Variants in GOT2 observed in about 807,000 individuals in gnomAD.
GOT2 encodes the protein aspartate aminotransferase, mitochondrial.
In GOT2, 17 loss-of-function variants were observed where a neutral mutation model predicts 50.0. The observed-to-expected ratio is 0.34, with a 90% confidence interval of 0.23 to 0.51. GOT2 has a LOEUF of 0.51. GOT2 is among the 20% of genes least tolerant of loss of function. GOT2 has a pLI of 0.97. For synonymous variants in GOT2, 172 were observed against 204.9 expected (o/e 0.84, Z 1.37); for missense variants, 430 against 559.6 (o/e 0.77, Z 2.34).
intron 9 of GOT2, 64 bp downstream of exon 9, chr16:58,709,353 G>C: frequency 8.0e-7 from 1 of 1,256,574 alleles, no homozygotes; most frequent in Non-Finnish European, 1.1e-6. Flanking sequence ...AGAAAAAAAA[G>C]TAATCCTTCG....
Position 58,709,484 on chromosome 16 carries a change from G to C in GOT2, c.1103C>G (p.Thr368Ser), listed in dbSNP as rs2044629033. 2.5e-6 allele frequency: 4 copies of C among 1,614,018 alleles called. No individual in the cohort carries two copies. The highest frequency in any genetic ancestry group is 3.4e-6 in the Non-Finnish European group (4 of 1,179,870). The change falls in exon 9 of 10, where the codon ACC becomes AGC. Residue 368 changes from threonine (T) to serine (S), a missense_variant. Thr to Ser is a moderately conservative substitution (Grantham distance 58, BLOSUM62 1). Coordinates refer to ENST00000245206, the MANE Select transcript of GOT2 (RefSeq NM_002080.4). ...GTCGGTGATGTGTTGCCAATTGTGG[G>C]TGGAACCCTCCTTCTTGAGGTTGGA... Reference protein sequence around the residue: ...LVSNLKKEGSTHNWQHITDQI... With the variant: ...LVSNLKKEGSSHNWQHITDQI...
chr16:58,720,578 A>ATT (rs567374817), intron 3 of GOT2, among the ~76,000 whole-genome samples: 11,457 of 140,942 alleles, frequency 0.081, 944 homozygotes, highest in East Asian at 0.29. Context: ...AGGCACAACA[A>ATT]TTTTTTTTTT....
At chr16:58,709,373 A>G in intron 9 of GOT2, 44 bp downstream of exon 9, 1 of 1,508,398 alleles carries the variant, frequency 6.6e-7, no homozygotes, top group Non-Finnish European at 9.1e-7. Flanking sequence ...GGGTTTGCAA[A>G]GACTGATCAG....
In GOT2 at chr16:58,716,774, C is replaced by T; in HGVS notation, c.742G>A (p.Gly248Ser). ...LFAFFDMAYQ[G>S]FASGDGDKDA... ...TTATCACCATCACCACTGGCAAAGC[C>T]TTGGTAGGCCATGTCAAAGAACGCA... is the stretch of plus-strand genomic sequence containing the variant. The change falls in exon 7 of 10, where the codon GGC (glycine) becomes AGC (serine). Residue 248 changes from glycine to serine, a missense_variant. Coordinates refer to ENST00000245206, the MANE Select transcript of GOT2 (RefSeq NM_002080.4). The T allele has an allele frequency of 6.2e-7, 1 of 1,613,922 alleles. No homozygotes were observed. The highest frequency in any genetic ancestry group is 8.5e-7 in the Non-Finnish European group (1 of 1,179,764).
chr16:58,723,908 A>G lies in GOT2; in HGVS notation c.90-6T>C. 1 of 1,612,116 alleles carries G rather than the reference A, an allele frequency of 6.2e-7. No homozygotes were observed. The highest frequency in any genetic ancestry group is 1.1e-5 in the South Asian group (1 of 90,966). The stretch of plus-strand genomic sequence containing the variant: ...CCACATGGGTCCACCAGGAGCTGAA[A>G]TGAGAAACACATTAGCTCAATCCCA... On this transcript the variant is annotated splice_region_variant and splice_polypyrimidine_tract_variant and intron_variant, in intron 1 of 9. Transcript: ENST00000245206.
At chr16:58,734,012 A>AGT (rs3217426) in intron 1 of GOT2, 128 bp downstream of exon 1, 5 of 433,056 alleles carry the variant, frequency 1.2e-5, no homozygotes, top group East Asian at 3.6e-5. Context: ...GTGGCAGAAA[A>AGT]GTGTGTGTGT....
At chr16:58,711,570 T>G (rs529956515) in intron 8 of GOT2, among the ~76,000 whole-genome samples, 3 of 152,234 alleles carry the variant, frequency 2.0e-5, no homozygotes, top group Non-Finnish European at 2.9e-5. Context: ...TGGGACCTAG[T>G]AATGTTTTAC....
At chr16:58,716,365 A>G (rs1291997454) in intron 7 of GOT2, 186 bp from the exon 8 acceptor site, 2 of 620,256 alleles carry the variant, frequency 3.2e-6, no homozygotes, top group African/African-American at 3.7e-5. Flanking sequence ...GAGTACTCAG[A>G]GTATTCAAAG....
chr16:58,712,443 G>A (rs536450098), intron 8 of GOT2, among the ~76,000 whole-genome samples: 5 of 152,110 alleles, frequency 3.3e-5, no homozygotes, highest in East Asian at 1.9e-4. Flanking sequence ...CCCAGGAGGC[G>A]GAGGTTGCAG....
intron 1 of GOT2, among the ~76,000 whole-genome samples, chr16:58,726,313 G>A (rs1392688283): frequency 2.6e-5 from 4 of 151,892 alleles, no homozygotes; most frequent in Non-Finnish European, 4.4e-5. Context: ...AGCCTCCCAA[G>A]TAGCTGGGAT....
At chr16:58,710,400 T>C (rs1238885342) in intron 8 of GOT2, among the ~76,000 whole-genome samples, 3 of 150,660 alleles carry the variant, frequency 2.0e-5, no homozygotes, top group Non-Finnish European at 3.0e-5. Context: ...TCTTTTCTTT[T>C]TTTTTTTTTT....
In GOT2 at chr16:58,722,260, C is replaced by A. The variant is rs137905758; in HGVS notation, c.265G>T (p.Ala89Ser). Reference sequence around the variant, plus strand: ...AGGTATTCCTTGTCCAAATTTTTTGCGGCAATCTGGGCCTCTGCCTAGACA... The same window carrying A: ...AGGTATTCCTTGTCCAAATTTTTTGAGGCAATCTGGGCCTCTGCCTAGACA... ...SVRKAEAQIA[A>S]KNLDKEYLPI... is the part of the protein sequence containing the mutation. Residue 89 changes from alanine (A) to serine (S), a missense_variant, in exon 3 of 10, where the codon GCA becomes TCA. Ala to Ser is a moderately conservative substitution (Grantham distance 99, BLOSUM62 1). Transcript: ENST00000245206. 97 of 1,613,390 alleles carry A rather than the reference C, an allele frequency of 6.0e-5. No homozygotes were observed. In the African/African-American group the frequency reaches 1.2e-3, roughly 20 times the overall value.
At chr16:58,728,933 C>T (rs536259964) in intron 1 of GOT2, among the ~76,000 whole-genome samples, 2 of 152,054 alleles carry the variant, frequency 1.3e-5, no homozygotes, top group African/African-American at 2.4e-5. Flanking sequence ...GTGATCTGCC[C>T]GCCTCAGCCT....
chr16:58,720,361 T>A (rs2044731757), intron 3 of GOT2, among the ~76,000 whole-genome samples: 1 of 152,164 alleles, frequency 6.6e-6, no homozygotes, highest in East Asian at 1.9e-4. Context: ...TACCATAGGT[T>A]TAAGAGGTTT....
chr16:58,709,574 A>G lies in GOT2; in HGVS notation c.1020-7T>C, dbSNP rs2044630240. ...GACTTTCACTTCTTGCAGCCTGTAA[A>G]GAAACCCTGAGATGCAGCTCATTCT... is the stretch of plus-strand genomic sequence containing the variant. On this transcript the variant is annotated splice_region_variant and splice_polypyrimidine_tract_variant and intron_variant, in intron 8 of 9. Coordinates refer to ENST00000245206, the MANE Select transcript of GOT2 (RefSeq NM_002080.4). The G allele has an allele frequency of 3.1e-6, 5 of 1,605,544 alleles. No homozygotes were observed. Among genetic ancestry groups the G allele is most frequent in the Non-Finnish European group, 4.3e-6 (5 of 1,172,836 alleles).
rs2044611466 is a variant in GOT2, at chr16:58,707,303, G to A, written c.*868C>T. ...CCCTGCGCCGCTGGACTCACAGTGT[G>A]AGATGAGAGGCTGCACACCACATTC... On this transcript the variant is annotated 3_prime_UTR_variant, in exon 10 of 10. Coordinates refer to ENST00000245206, the MANE Select transcript of GOT2 (RefSeq NM_002080.4). 1 of 152,188 alleles carries A rather than the reference G, an allele frequency of 6.6e-6. No individual in the cohort carries two copies. The highest frequency in any genetic ancestry group is 6.6e-5 in the Admixed American group (1 of 15,264). The allele number at this position is 152,188 out of a possible 1,614,324, so 9.4% of individuals were successfully genotyped here.
At chr16:58,720,611 C>T (rs540955224) in intron 3 of GOT2, among the ~76,000 whole-genome samples, 12 of 147,504 alleles carry the variant, frequency 8.1e-5, no homozygotes, top group African/African-American at 3.0e-4. Flanking sequence ...TAGGTTCGTG[C>T]TCTGTCACCC....
intron 1 of GOT2, among the ~76,000 whole-genome samples, chr16:58,728,127 A>C (rs1398446136): frequency 6.6e-6 from 1 of 152,202 alleles, no homozygotes; most frequent in Non-Finnish European, 1.5e-5. Context: ...GTAATTAATT[A>C]GTGTGTACAG....
At chr16:58,709,389 C>T in intron 9 of GOT2, 28 bp downstream of exon 9, 5 of 1,557,116 alleles carry the variant, frequency 3.2e-6, no homozygotes, top group Non-Finnish European at 4.4e-6. Context: ...ATCAGCTGGT[C>T]TGCTGCAGAG....
Sources: allele counts gnomAD v4.1 joint callset (sites outside exome capture counted in the v4.1 genomes callset), GRCh38; gene constraint gnomAD v4.1.1; transcripts MANE v1.5; gene names NCBI Gene and HGNC (gene_info 2026-07-23, HGNC 2026-07-21).